The following RABGAP1L variants were observed in gnomAD, a reference collection of about 807,000 sequenced individuals.
RABGAP1L encodes the protein rab GTPase-activating protein 1-like.
Under a neutral mutation model 137.7 loss-of-function variants are expected in RABGAP1L, and 63 were observed. That is an observed-to-expected ratio of 0.46 (90% CI 0.37 to 0.56). RABGAP1L has a LOEUF of 0.56. Ranked by LOEUF, RABGAP1L falls within the 20% of genes least tolerant of loss-of-function variation. The probability of loss-of-function intolerance (pLI) is 0.00; values close to 1 mark genes in which losing one functional copy is unlikely to be tolerated. For synonymous variants in RABGAP1L, 431 were observed against 433.7 expected, an observed-to-expected ratio of 0.99 and a Z score of 0.08; for missense variants, 1,095 against 1,244.0, an observed-to-expected ratio of 0.88 and a Z score of 1.80.
At position 174,523,474 on chromosome 1, in the gene RABGAP1L, C is replaced by T. The variant is rs566339168; in HGVS notation, c.1711-113901C>T. On this transcript the variant is annotated intron_variant, in intron 13 of 25. Coordinates refer to ENST00000681986, the MANE Select transcript of RABGAP1L (RefSeq NM_001366446.1). ...TCTGGGGAGATGATAGAAAATGAAACAAAATGAAGATTTTTAAACATTTCT... is the reference window on the plus strand; with the variant it reads ...TCTGGGGAGATGATAGAAAATGAAATAAAATGAAGATTTTTAAACATTTCT... Among the ~76,000 whole-genome samples the T allele has an allele frequency of 6.6e-5, 10 of 152,032 alleles. No homozygotes were observed. The South Asian group carries it at 2.1e-3, about 32-fold the overall frequency.
intron 19 of RABGAP1L, among the ~76,000 whole-genome samples, chr1:174,851,347 A>G (rs1364474870): frequency 6.6e-6 from 1 of 152,216 alleles, no homozygotes; most frequent in Non-Finnish European, 1.5e-5. Context: ...GTCATGTGTC[A>G]GCCAGAGGCT....
intron 10 of RABGAP1L, among the ~76,000 whole-genome samples, chr1:174,283,858 A>C (rs1675805608): frequency 1.3e-5 from 2 of 152,190 alleles, no homozygotes; most frequent in Admixed American, 1.3e-4. Context: ...GGCCTGTCTC[A>C]TGGAGTATCA....
intron 13 of RABGAP1L, among the ~76,000 whole-genome samples, chr1:174,579,993 T>G (rs1352579936): frequency 6.6e-6 from 1 of 152,188 alleles, no homozygotes; most frequent in Non-Finnish European, 1.5e-5. Flanking sequence ...ACTCCTGACC[T>G]CAGGTGATCT....
chr1:174,230,490 A>C (rs1670555800), intron 3 of RABGAP1L, among the ~76,000 whole-genome samples: 1 of 152,224 alleles, frequency 6.6e-6, no homozygotes, highest in African/African-American at 2.4e-5. Flanking sequence ...GTCTGTGAAG[A>C]TAAGCTGATA....
intron 14 of RABGAP1L, among the ~76,000 whole-genome samples, chr1:174,681,379 C>T (rs1202964850): frequency 2.6e-5 from 4 of 152,162 alleles, no homozygotes; most frequent in African/African-American, 9.7e-5. Context: ...AAGGAATGAA[C>T]TACCGATGCA....
At chr1:174,521,398 C>G (rs1448547094) in intron 13 of RABGAP1L, among the ~76,000 whole-genome samples, 3 of 152,078 alleles carry the variant, frequency 2.0e-5, no homozygotes, top group African/African-American at 4.8e-5. Flanking sequence ...TTATAGAAAA[C>G]TAGTTTTGGA....
chr1:174,172,658 G>A (rs1405521804), intron 1 of RABGAP1L, among the ~76,000 whole-genome samples: 1 of 152,106 alleles, frequency 6.6e-6, no homozygotes, highest in Non-Finnish European at 1.5e-5. Flanking sequence ...TTGGAAAAAT[G>A]TCTCTTTAGG....
At chr1:174,304,860 A>G (rs1165518071) in intron 10 of RABGAP1L, 126 bp from the exon 11 acceptor site, 9 of 818,030 alleles carry the variant, frequency 1.1e-5, no homozygotes, top group African/African-American at 5.5e-5. Context: ...AACCTCAGAC[A>G]TGCTGTAGAT....
intron 17 of RABGAP1L, among the ~76,000 whole-genome samples, chr1:174,714,787 T>C (rs544576624): frequency 8.5e-5 from 13 of 152,296 alleles, no homozygotes; most frequent in Non-Finnish European, 1.8e-4. Context: ...TTTTCTCCCC[T>C]CTTTCCTGAC....
chr1:174,702,541 C>T (rs1362693941), intron 17 of RABGAP1L, among the ~76,000 whole-genome samples: 1 of 151,834 alleles, frequency 6.6e-6, no homozygotes, highest in East Asian at 1.9e-4. Flanking sequence ...AATGTTTTAC[C>T]AGTATAAAAT....
intron 19 of RABGAP1L, among the ~76,000 whole-genome samples, chr1:174,855,510 A>G (rs1649144688): frequency 6.6e-6 from 1 of 152,224 alleles, no homozygotes; most frequent in Non-Finnish European, 1.5e-5. Context: ...GCCACTGAAT[A>G]GCTATGTGAT....
At chr1:174,925,750 T>C (rs182335373) in intron 19 of RABGAP1L, among the ~76,000 whole-genome samples, 21 of 152,186 alleles carry the variant, frequency 1.4e-4, no homozygotes, top group African/African-American at 5.1e-4. Flanking sequence ...TGAATATTTG[T>C]TTTTCTTTTT....
At chr1:174,177,706 C>A (rs887155150) in intron 1 of RABGAP1L, among the ~76,000 whole-genome samples, 4 of 152,132 alleles carry the variant, frequency 2.6e-5, no homozygotes, top group Admixed American at 6.6e-5. Flanking sequence ...TATGGCTAGC[C>A]AGTTTTCCCA....
At chr1:174,564,127 A>G (rs1053779503) in intron 13 of RABGAP1L, among the ~76,000 whole-genome samples, 4 of 152,268 alleles carry the variant, frequency 2.6e-5, no homozygotes, top group African/African-American at 7.2e-5. Context: ...TATTTATGGT[A>G]TATCATTGTT....
chr1:174,601,460 C>T (rs1670404796), intron 13 of RABGAP1L, among the ~76,000 whole-genome samples: 1 of 151,910 alleles, frequency 6.6e-6, no homozygotes, highest in African/African-American at 2.4e-5. Flanking sequence ...AACACTTGGA[C>T]ATAGGGTGGG....
intron 15 of RABGAP1L, among the ~76,000 whole-genome samples, chr1:174,685,243 G>GTTCT (rs1249223759): frequency 2.6e-5 from 4 of 152,034 alleles, no homozygotes; most frequent in African/African-American, 9.6e-5. Flanking sequence ...ATGATGATGA[G>GTTCT]TTCTTTCTTT....
At position 174,740,702 on chromosome 1, in the gene RABGAP1L, GTA is replaced by G. The variant is rs1683321431; in HGVS notation, c.2170-11607_2170-11606del. Among the ~76,000 whole-genome samples, 4 of 152,218 alleles carry G rather than the reference GTA, an allele frequency of 2.6e-5. No individual in the cohort carries two copies. The South Asian group carries it at 8.3e-4, about 32-fold the overall frequency. ...ACTAGTTTACATTCCCACCAACAGTGTATATGAGTTCCCTTTTCTCCACTTTC... is the reference window on the plus strand; with the variant it reads ...ACTAGTTTACATTCCCACCAACAGTGTATGAGTTCCCTTTTCTCCACTTTC... On this transcript the variant is annotated intron_variant, in intron 17 of 25. Transcript: ENST00000681986.
intron 14 of RABGAP1L, among the ~76,000 whole-genome samples, chr1:174,670,717 C>G (rs1677114197): frequency 6.6e-6 from 1 of 152,088 alleles, no homozygotes; most frequent in African/African-American, 2.4e-5. Flanking sequence ...CATGTTGTTG[C>G]AATTGATAGG....
chr1:174,829,052 C>G (rs1691852305), intron 19 of RABGAP1L, among the ~76,000 whole-genome samples: 1 of 147,412 alleles, frequency 6.8e-6, no homozygotes, highest in African/African-American at 2.5e-5. Flanking sequence ...TAGTGTACAA[C>G]CAAGATAGTC....
Sources: gnomAD v4.1 joint callset for allele counts (sites outside exome capture counted in the v4.1 genomes callset) on GRCh38, gnomAD v4.1.1 for gene constraint, MANE v1.5 for transcripts, NCBI Gene and HGNC (gene_info 2026-07-23, HGNC 2026-07-21) for gene names.